MACROD2: variants seen among roughly 807,000 people sequenced by gnomAD.
MACROD2 encodes the protein ADP-ribose glycohydrolase MACROD2.
A neutral mutation model predicts 70.4 loss-of-function variants in MACROD2; 36 were observed. The ratio of observed to expected loss-of-function variants is 0.51; its 90% CI spans 0.39 to 0.68. MACROD2 has a LOEUF of 0.68. Among genes scored for constraint, MACROD2 ranks in the 30% least tolerant of loss-of-function variants. The pLI is 0.00. For missense variants in MACROD2, 496 were observed against 538.4 expected, an observed-to-expected ratio of 0.92 and a Z score of 0.78; for synonymous variants, 172 against 178.8, an observed-to-expected ratio of 0.96 and a Z score of 0.30.
At chr20:15,233,590 A>G (rs1242249418) in intron 6 of MACROD2, among the ~76,000 whole-genome samples, 1 of 152,078 alleles carries the variant, frequency 6.6e-6, no homozygotes, top group African/African-American at 2.4e-5. Flanking sequence ...TTAGGGGAAA[A>G]AATTCATTAC....
At chr20:14,360,880 T>G (rs1324175602) in intron 3 of MACROD2, among the ~76,000 whole-genome samples, 1 of 152,194 alleles carries the variant, frequency 6.6e-6, no homozygotes, top group African/African-American at 2.4e-5. Flanking sequence ...ATTTTATTAA[T>G]TATTACTTAA....
At chr20:14,558,224 G>A (rs891162781) in intron 4 of MACROD2, among the ~76,000 whole-genome samples, 2 of 151,798 alleles carry the variant, frequency 1.3e-5, no homozygotes, top group Admixed American at 1.3e-4. Flanking sequence ...AATACAAATG[G>A]CATGAGTTTC....
intron 8 of MACROD2, among the ~76,000 whole-genome samples, chr20:15,843,524 G>C (rs573348390): frequency 6.6e-6 from 1 of 152,280 alleles, no homozygotes; most frequent in South Asian, 2.1e-4. Context: ...ATACTTAAGT[G>C]AATTTATGCA....
At chr20:15,400,728 A>C (rs2045917266) in intron 6 of MACROD2, among the ~76,000 whole-genome samples, 1 of 152,156 alleles carries the variant, frequency 6.6e-6, no homozygotes, top group Non-Finnish European at 1.5e-5. Context: ...TATTCATCCT[A>C]TTCCATTCCC....
chr20:15,386,455 T>G (rs910928612), intron 6 of MACROD2, among the ~76,000 whole-genome samples: 11 of 152,214 alleles, frequency 7.2e-5, no homozygotes, highest in Non-Finnish European at 1.5e-4. Context: ...GTCAAAGCAC[T>G]TCTAGCAGTA....
chr20:15,212,274 A>G (rs1445638388), intron 5 of MACROD2, among the ~76,000 whole-genome samples: 1 of 152,164 alleles, frequency 6.6e-6, no homozygotes, highest in Admixed American at 6.5e-5. Context: ...TTTTAGAAGT[A>G]TGCTTTCTTT....
intron 6 of MACROD2, among the ~76,000 whole-genome samples, chr20:15,405,547 A>G (rs1054857684): frequency 1.3e-5 from 2 of 152,148 alleles, no homozygotes; most frequent in South Asian, 4.1e-4. Context: ...ACACTTGTGC[A>G]TGCCTGCCTT....
At chr20:15,487,056 C>T (rs572704767) in intron 7 of MACROD2, among the ~76,000 whole-genome samples, 4 of 152,286 alleles carry the variant, frequency 2.6e-5, no homozygotes, top group Non-Finnish European at 5.9e-5. Context: ...CAGTAGTTAT[C>T]TCGGACATTC....
At chr20:15,259,167 T>A (rs1173724893) in intron 6 of MACROD2, among the ~76,000 whole-genome samples, 2 of 146,796 alleles carry the variant, frequency 1.4e-5, no homozygotes, top group Non-Finnish European at 3.0e-5. Flanking sequence ...TATTTTCAAG[T>A]TTTGGGTAAT....
intron 5 of MACROD2, among the ~76,000 whole-genome samples, chr20:14,931,993 C>T (rs1333980517): frequency 7.8e-6 from 1 of 128,770 alleles, no homozygotes; most frequent in Non-Finnish European, 1.6e-5. Flanking sequence ...CAGAGTGAGA[C>T]CCTGTTTCTT....
chr20:15,213,288 T>C (rs1204769134), intron 5 of MACROD2, among the ~76,000 whole-genome samples: 1 of 152,144 alleles, frequency 6.6e-6, no homozygotes, highest in Non-Finnish European at 1.5e-5. Context: ...TGTCTTCAAT[T>C]TGTTATCCCT....
chr20:14,107,437 T>C (rs189176885), intron 3 of MACROD2, among the ~76,000 whole-genome samples: 435 of 152,136 alleles, frequency 2.9e-3, no homozygotes, highest in African/African-American at 9.7e-3. Flanking sequence ...TCTAAGAGTA[T>C]TGGCCATGAA....
chr20:15,643,774 G>A (rs753107012), intron 8 of MACROD2, among the ~76,000 whole-genome samples: 140 of 152,278 alleles, frequency 9.2e-4, no homozygotes, highest in Middle Eastern at 3.4e-3. Flanking sequence ...TTAGAACTTA[G>A]GTTTGGCTGC....
At chr20:15,037,816 A>T (rs1364666831) in intron 5 of MACROD2, among the ~76,000 whole-genome samples, 1 of 152,172 alleles carries the variant, frequency 6.6e-6, no homozygotes, top group East Asian at 1.9e-4. Flanking sequence ...CAAAACAATC[A>T]AGAGTAAATG....
intron 6 of MACROD2, among the ~76,000 whole-genome samples, chr20:15,308,744 A>G (rs1261288441): frequency 6.6e-6 from 1 of 152,190 alleles, no homozygotes; most frequent in East Asian, 1.9e-4. Flanking sequence ...TCTTGGCTAC[A>G]AAGTTAACCC....
intron 4 of MACROD2, among the ~76,000 whole-genome samples, chr20:14,517,670 A>G (rs1443682316): frequency 6.6e-6 from 1 of 152,214 alleles, no homozygotes. Context: ...CATGTATCCC[A>G]GAACTTAAAG....
intron 8 of MACROD2, among the ~76,000 whole-genome samples, chr20:15,618,095 CTTTTTTTTTTT>C: frequency 1.4e-5 from 1 of 70,842 alleles, no homozygotes; most frequent in South Asian, 6.8e-4. Flanking sequence ...CATCATTAGT[CTTTTTTTTTTT>C]TTTTTTTTTT....
At chr20:14,494,365 G>A (rs1820366903) in intron 4 of MACROD2, among the ~76,000 whole-genome samples, 3 of 152,124 alleles carry the variant, frequency 2.0e-5, no homozygotes, top group African/African-American at 4.8e-5. Flanking sequence ...AGGTTTCATT[G>A]TAATTTTTAT....
At chr20:14,789,460 ATTTTTTTTTTTTTTTT>A (rs3045609) in intron 5 of MACROD2, among the ~76,000 whole-genome samples, 7 of 48,326 alleles carry the variant, frequency 1.4e-4, no homozygotes, top group Admixed American at 3.1e-4. Context: ...GGTAGTGCAA[ATTTTTTTTTTTTTTTT>A]TTTTTTTTTT....
Sources: gnomAD v4.1 joint callset for allele counts (sites outside exome capture counted in the v4.1 genomes callset) on GRCh38, gnomAD v4.1.1 for gene constraint, MANE v1.5 for transcripts, NCBI Gene and HGNC (gene_info 2026-07-23, HGNC 2026-07-21) for gene names.